Variants in SGMS1 observed in about 807,000 individuals in gnomAD.
SGMS1 encodes the protein sphingomyelin synthase 1.
In SGMS1, 13 loss-of-function variants were observed where a neutral mutation model predicts 46.2. The observed-to-expected ratio is 0.28, with a 90% CI of 0.18 to 0.45. SGMS1 has a LOEUF of 0.45. Ranked by LOEUF, SGMS1 falls within the 20% of genes least tolerant of loss-of-function variation. The probability of loss-of-function intolerance (pLI) is 1.00; values close to 1 mark genes in which losing one functional copy is unlikely to be tolerated. For missense variants in SGMS1, 324 were observed against 519.9 expected (o/e 0.62, Z 3.66); for synonymous variants, 203 against 187.8 (o/e 1.08, Z -0.66).
chr10:50,596,425 A>G (rs973068917), intron 1 of SGMS1, among the ~76,000 whole-genome samples: 1 of 152,138 alleles, frequency 6.6e-6, no homozygotes, highest in African/African-American at 2.4e-5. Flanking sequence ...TGATCTGCCC[A>G]CCTCGGCCTC....
At chr10:50,373,430 C>G (rs980163121) in intron 6 of SGMS1, among the ~76,000 whole-genome samples, 9 of 152,050 alleles carry the variant, frequency 5.9e-5, no homozygotes, top group Non-Finnish European at 8.8e-5. Flanking sequence ...CATTAATACC[C>G]AAACCATTTG....
intron 5 of SGMS1, among the ~76,000 whole-genome samples, chr10:50,434,055 A>G (rs1178957755): frequency 6.6e-6 from 1 of 152,212 alleles, no homozygotes; most frequent in Admixed American, 6.5e-5. Flanking sequence ...AGAACTATGG[A>G]CACCTAATGC....
chr10:50,341,690 C>T (rs200100997), intron 7 of SGMS1, among the ~76,000 whole-genome samples: 1 of 37,382 alleles, frequency 2.7e-5, no homozygotes, highest in Non-Finnish European at 4.5e-5. Flanking sequence ...CCTGAGGCCT[C>T]ATTCCAGCAC....
chr10:50,516,230 G>T (rs1564422359), intron 3 of SGMS1, among the ~76,000 whole-genome samples: 1 of 152,104 alleles, frequency 6.6e-6, no homozygotes, highest in Non-Finnish European at 1.5e-5. Context: ...ATGTGCCAAA[G>T]CCCAAGGCAA....
At chr10:50,466,025 G>A (rs1297809459) in intron 4 of SGMS1, among the ~76,000 whole-genome samples, 1 of 151,794 alleles carries the variant, frequency 6.6e-6, no homozygotes, top group Non-Finnish European at 1.5e-5. Context: ...AAGTAGGTAT[G>A]TAGTAAGGGT....
upstream of SGMS1, chr10:50,624,855 G>A (rs1035281047): frequency 2.0e-6 from 2 of 993,640 alleles, no homozygotes; most frequent in African/African-American, 3.5e-5. Context: ...GCCCGAGGCC[G>A]TGCCTCCCGC....
At chr10:50,474,578 A>G (rs1439687738) in intron 3 of SGMS1, among the ~76,000 whole-genome samples, 1 of 152,118 alleles carries the variant, frequency 6.6e-6, no homozygotes, top group Non-Finnish European at 1.5e-5. Flanking sequence ...GAACTAACAA[A>G]TTTTTCTATA....
intron 7 of SGMS1, among the ~76,000 whole-genome samples, chr10:50,328,806 C>G (rs1157563765): frequency 2.0e-5 from 3 of 152,066 alleles, no homozygotes; most frequent in African/African-American, 7.3e-5. Flanking sequence ...AAGTAAAATA[C>G]AAAGCACAAT....
At chr10:50,368,010 T>C (rs547853141) in intron 6 of SGMS1, among the ~76,000 whole-genome samples, 2 of 152,208 alleles carry the variant, frequency 1.3e-5, no homozygotes, top group Non-Finnish European at 2.9e-5. Flanking sequence ...TTATACAGCA[T>C]CTTAGAGATA....
At position 50,447,907 on chromosome 10, in the gene SGMS1, C is replaced by T. The variant is rs531615811; in HGVS notation, c.-313+12766G>A. ...CAGCAAAGGAGACTAGGCAACTTGT[C>T]CTATACCACTTCCTCACACCCTTCA... On this transcript the variant is annotated intron_variant, in intron 5 of 10. Coordinates refer to ENST00000361781, the MANE Select transcript of SGMS1 (RefSeq NM_147156.4). Among the ~76,000 whole-genome samples the T allele has an allele frequency of 1.3e-4, 20 of 152,278 alleles. No homozygotes were observed. The East Asian group carries it at 3.9e-3, about 29-fold the overall frequency.
At chr10:50,572,416 T>C (rs1291975611) in intron 2 of SGMS1, among the ~76,000 whole-genome samples, 1 of 152,114 alleles carries the variant, frequency 6.6e-6, no homozygotes, top group Non-Finnish European at 1.5e-5. Flanking sequence ...TCACAATTCC[T>C]TGCCTGTGAA....
chr10:50,591,595 TTTA>T (rs1243697645), intron 1 of SGMS1, among the ~76,000 whole-genome samples: 20 of 152,354 alleles, frequency 1.3e-4, no homozygotes, highest in South Asian at 8.3e-4. Context: ...ATACATGCAC[TTTA>T]TTTTTTCCTT....
At chr10:50,359,169 T>C (rs186495056) in intron 6 of SGMS1, among the ~76,000 whole-genome samples, 32 of 152,290 alleles carry the variant, frequency 2.1e-4, no homozygotes, top group African/African-American at 7.2e-4. Flanking sequence ...CTGGAGTGTA[T>C]GTATTTTGCC....
chr10:50,383,153 T>C (rs1252729742), intron 6 of SGMS1, among the ~76,000 whole-genome samples: 1 of 152,190 alleles, frequency 6.6e-6, no homozygotes, highest in Non-Finnish European at 1.5e-5. Context: ...GTACCTATTT[T>C]ACAGATGAAG....
At chr10:50,580,826 G>A (rs1476914860) in intron 2 of SGMS1, among the ~76,000 whole-genome samples, 4 of 152,218 alleles carry the variant, frequency 2.6e-5, no homozygotes, top group African/African-American at 9.6e-5. Context: ...AGGTGAAAAA[G>A]TTCTGGAGAT....
intron 2 of SGMS1, among the ~76,000 whole-genome samples, chr10:50,568,048 C>G (rs1189497883): frequency 6.6e-6 from 1 of 152,120 alleles, no homozygotes; most frequent in South Asian, 2.1e-4. Flanking sequence ...AGAAAAAAAG[C>G]AGGTGGGATA....
At chr10:50,443,749 T>G (rs1215559870) in intron 5 of SGMS1, among the ~76,000 whole-genome samples, 1 of 152,108 alleles carries the variant, frequency 6.6e-6, no homozygotes. Context: ...AAGACTTTTT[T>G]TCTTAATTTA....
chr10:50,509,477 G>A (rs545800350), intron 3 of SGMS1, among the ~76,000 whole-genome samples: 2 of 152,282 alleles, frequency 1.3e-5, no homozygotes, highest in East Asian at 3.9e-4. Flanking sequence ...ATATCACAGT[G>A]CATTTGTTAT....
chr10:50,624,794 A>G, upstream of SGMS1: 2 of 986,380 alleles, frequency 2.0e-6, no homozygotes, highest in Non-Finnish European at 2.4e-6. Context: ...TCCCGCCCCG[A>G]TGCCCGCCGT....
Sources: gnomAD v4.1 joint callset for allele counts (sites outside exome capture counted in the v4.1 genomes callset) on GRCh38, gnomAD v4.1.1 for gene constraint, MANE v1.5 for transcripts, NCBI Gene and HGNC (gene_info 2026-07-23, HGNC 2026-07-21) for gene names.